DMD: variants seen among roughly 807,000 people sequenced by gnomAD.
The protein encoded by DMD is mutant dystrophin.
DMD carries 63 observed loss-of-function variants against 330.1 expected under a neutral mutation model. The ratio of observed to expected loss-of-function variants is 0.19; its 90% CI spans 0.16 to 0.24. The LOEUF (loss-of-function observed/expected upper bound fraction) is 0.24. Among genes scored for constraint, DMD ranks in the 10% least tolerant of loss-of-function variants. The probability of loss-of-function intolerance (pLI) is 1.00; values close to 1 mark genes in which losing one functional copy is unlikely to be tolerated. For synonymous variants in DMD, 1,223 were observed against 959.8 expected (o/e 1.27, Z -5.07); for missense variants, 3,344 against 2,684.1 (o/e 1.25, Z -5.43).
intron 2 of DMD, among the ~76,000 whole-genome samples, chrX:33,013,331 T>C (rs949134552): frequency 1.8e-5 from 2 of 111,314 alleles, no homozygotes; most frequent in Non-Finnish European, 1.9e-5. Flanking sequence ...AACAAAAAGT[T>C]CCCAATCCTC....
At chrX:33,053,408 A>G (rs1199896962) in intron 1 of DMD, among the ~76,000 whole-genome samples, 1 of 110,421 alleles carries the variant, frequency 9.1e-6, no homozygotes, top group East Asian at 2.9e-4. Context: ...AGCCTGGCCA[A>G]TATGGTGAAA....
chrX:32,631,874 G>T (rs184737716), intron 11 of DMD, among the ~76,000 whole-genome samples: 1 of 111,194 alleles, frequency 9.0e-6, no homozygotes, highest in Non-Finnish European at 1.9e-5. Context: ...ATCTGGGCAA[G>T]AACATACATC....
chrX:31,197,441 AAC>A (rs34484144), intron 67 of DMD, among the ~76,000 whole-genome samples: 16,102 of 111,867 alleles, frequency 0.14, 901 homozygotes, highest in Middle Eastern at 0.23. Context: ...GAATGTTTCT[AAC>A]ACAGAGAAAT....
intron 59 of DMD, among the ~76,000 whole-genome samples, chrX:31,472,034 T>C (rs1431048921): frequency 8.9e-6 from 1 of 112,445 alleles, no homozygotes; most frequent in African/African-American, 3.2e-5. Context: ...TTTTTCTTTG[T>C]TTTTTCTTCT....
chrX:32,983,067 G>A (rs918933935), intron 2 of DMD, among the ~76,000 whole-genome samples: 1 of 111,846 alleles, frequency 8.9e-6, no homozygotes, highest in African/African-American at 3.2e-5. Flanking sequence ...ATTCCTCTGG[G>A]AGGGGCACCC....
At chrX:32,236,410 T>C (rs2097187893) in intron 43 of DMD, among the ~76,000 whole-genome samples, 1 of 112,114 alleles carries the variant, frequency 8.9e-6, no homozygotes, top group Non-Finnish European at 1.9e-5. Context: ...CACAATCTTA[T>C]TTTATTTTTT....
intron 44 of DMD, among the ~76,000 whole-genome samples, chrX:32,131,860 C>T (rs748795120): frequency 1.8e-5 from 2 of 111,815 alleles, no homozygotes; most frequent in South Asian, 3.8e-4. Flanking sequence ...AGTGCCAGAC[C>T]CTGCTTCTTC....
chrX:32,190,585 T>TATATATATATATATATATATATA (rs1569549819), intron 44 of DMD, among the ~76,000 whole-genome samples: 2 of 94,316 alleles, frequency 2.1e-5, no homozygotes, highest in African/African-American at 7.6e-5. Flanking sequence ...TATATATATA[T>TATATATATATATATATATATATA]TTCACCACAA....
intron 67 of DMD, among the ~76,000 whole-genome samples, chrX:31,185,972 T>C (rs1391090319): frequency 8.9e-6 from 1 of 111,820 alleles, no homozygotes; most frequent in African/African-American, 3.3e-5. Context: ...ACACAAGTCA[T>C]GGGTATTTGA....
intron 77 of DMD, among the ~76,000 whole-genome samples, chrX:31,133,685 CA>C (rs1296961527): frequency 7.2e-5 from 8 of 111,428 alleles, no homozygotes; most frequent in Non-Finnish European, 1.5e-4. Flanking sequence ...CTACCACTAC[CA>C]ATCAGTAGGC....
At chrX:32,652,380 T>C (rs1478847174) in intron 9 of DMD, among the ~76,000 whole-genome samples, 1 of 101,768 alleles carries the variant, frequency 9.8e-6, no homozygotes, top group East Asian at 3.3e-4. Context: ...AGTGAGAACA[T>C]GTGGTATTTG....
chrX:32,205,687 C>A (rs1399388179), intron 44 of DMD, among the ~76,000 whole-genome samples: 2 of 111,832 alleles, frequency 1.8e-5, no homozygotes, highest in East Asian at 5.6e-4. Context: ...CACAGAGCAG[C>A]TCCAAAAGTA....
intron 61 of DMD, among the ~76,000 whole-genome samples, chrX:31,336,403 A>C (rs1357131838): frequency 2.7e-5 from 3 of 112,140 alleles, no homozygotes; most frequent in Non-Finnish European, 5.6e-5. Context: ...TTGCCCACAG[A>C]GGTGTGATCC....
At chrX:31,351,375 G>A (rs2058402510) in intron 60 of DMD, among the ~76,000 whole-genome samples, 1 of 110,592 alleles carries the variant, frequency 9.0e-6, no homozygotes, top group South Asian at 3.9e-4. Flanking sequence ...CTGTCACGTG[G>A]TAATTGCTCA....
At chrX:32,585,301 G>C (rs969825318) in intron 13 of DMD, among the ~76,000 whole-genome samples, 1 of 112,211 alleles carries the variant, frequency 8.9e-6, no homozygotes, top group Non-Finnish European at 1.9e-5. Context: ...ATATACAACA[G>C]TGTAACAAAA....
chrX:32,573,741 A>G lies in DMD; in HGVS notation c.1704+4T>C, dbSNP rs1311057690. 1 of 1,207,875 alleles carries G rather than the reference A, an allele frequency of 8.3e-7. No individual in the cohort carries two copies. The highest frequency in any genetic ancestry group is 3.0e-5 in the East Asian group (1 of 33,749). The stretch of plus-strand genomic sequence containing the variant: ...TTACAGCTAGTTTCTCACACATGAC[A>G]CACCTGTTCTTCAGTAAGACGTTGC... On this transcript the variant is annotated splice_donor_region_variant and intron_variant, in intron 14 of 78. Transcript: ENST00000357033.
intron 29 of DMD, among the ~76,000 whole-genome samples, chrX:32,423,235 T>G (rs1254209605): frequency 9.3e-6 from 1 of 107,931 alleles, no homozygotes; most frequent in Non-Finnish European, 1.9e-5. Context: ...TTCTTTTTTT[T>G]TTTTTTTGGT....
chrX:33,287,100 T>TG (rs1377616985), intron 1 of DMD, among the ~76,000 whole-genome samples: 1 of 111,596 alleles, frequency 9.0e-6, no homozygotes, highest in African/African-American at 3.3e-5. Flanking sequence ...ACTGAAATTG[T>TG]GGGTTTGGTT....
chrX:32,995,423 T>C (rs1210432891), intron 2 of DMD, among the ~76,000 whole-genome samples: 1 of 112,348 alleles, frequency 8.9e-6, no homozygotes, highest in Non-Finnish European at 1.9e-5. Context: ...TCATATGAAT[T>C]TCTCTGTACT....
Sources: allele counts gnomAD v4.1 joint callset (sites outside exome capture counted in the v4.1 genomes callset), GRCh38; gene constraint gnomAD v4.1.1; transcripts MANE v1.5; gene names NCBI Gene and HGNC (gene_info 2026-07-23, HGNC 2026-07-21).